The following FGF14 variants were observed in gnomAD, a reference collection of about 807,000 sequenced individuals.
FGF14 encodes the protein fibroblast growth factor 14.
Under a neutral mutation model 25.5 loss-of-function variants are expected in FGF14, and 5 were observed. The ratio of observed to expected loss-of-function variants is 0.20; its 90% CI spans 0.10 to 0.41. The LOEUF is 0.41. FGF14 is among the 10% of genes least tolerant of loss of function. The pLI is 1.00. For missense variants in FGF14, 222 were observed against 320.1 expected, an observed-to-expected ratio of 0.69 and a Z score of 2.34; for synonymous variants, 138 against 118.3, an observed-to-expected ratio of 1.17 and a Z score of -1.08.
At chr13:102,020,528 T>C (rs73563691) in intron 1 of FGF14, among the ~76,000 whole-genome samples, 4,803 of 150,796 alleles carry the variant, frequency 0.032, 241 homozygotes, top group African/African-American at 0.11. Context: ...GTCTGGGCAA[T>C]CAGAGTGAAA....
intron 1 of FGF14, among the ~76,000 whole-genome samples, chr13:101,876,708 A>G (rs1378227199): frequency 1.3e-5 from 2 of 152,212 alleles, no homozygotes; most frequent in Non-Finnish European, 2.9e-5. Context: ...AAAAATAAAT[A>G]TCTAAGTGAT....
chr13:101,731,254 G>T (rs1444196574), intron 3 of FGF14, among the ~76,000 whole-genome samples: 1 of 152,118 alleles, frequency 6.6e-6, no homozygotes, highest in Admixed American at 6.5e-5. Context: ...ATATGAAAAT[G>T]CTTATTTAAA....
chr13:102,165,648 C>G (rs2047969426), intron 1 of FGF14, among the ~76,000 whole-genome samples: 2 of 34,874 alleles, frequency 5.7e-5, no homozygotes, highest in Non-Finnish European at 5.5e-5. Context: ...GGGAACATCA[C>G]ATACTGGGGC....
chr13:101,973,442 T>C (rs9557771), intron 1 of FGF14, among the ~76,000 whole-genome samples: 52,602 of 151,782 alleles, frequency 0.35, 9,736 homozygotes, highest in East Asian at 0.71. Context: ...TTAGTCAATG[T>C]TCTCTAGAGC....
chr13:101,722,668 G>T lies in FGF14; in HGVS notation c.*163C>A. 1 of 908,758 alleles carries T rather than the reference G, an allele frequency of 1.1e-6. No individual in the cohort carries two copies. The highest frequency in any genetic ancestry group is 1.7e-6 in the Non-Finnish European group (1 of 585,672). The allele number at this position is 908,758 out of a possible 1,614,324, so 56.3% of individuals were successfully genotyped here. ...TCTTCTTGTTGTGGGGGGTGCAACA[G>T]GTTGAGATTTATCCACTTGCAACAG... On this transcript the variant is annotated 3_prime_UTR_variant, in exon 5 of 5. Transcript: ENST00000376143.
At chr13:102,290,828 A>C (rs1205651933) in intron 1 of FGF14, among the ~76,000 whole-genome samples, 4 of 152,088 alleles carry the variant, frequency 2.6e-5, no homozygotes, top group Non-Finnish European at 2.9e-5. Context: ...TTTTCACCCT[A>C]CGCAGTTGTC....
At chr13:102,067,307 ACAAAT>A (rs915228767) in intron 1 of FGF14, among the ~76,000 whole-genome samples, 27 of 152,336 alleles carry the variant, frequency 1.8e-4, no homozygotes, top group African/African-American at 6.3e-4. Flanking sequence ...ACTCAGCTTG[ACAAAT>A]CAAAACCAAA....
At chr13:102,008,965 C>A (rs2039942827) in intron 1 of FGF14, among the ~76,000 whole-genome samples, 1 of 152,026 alleles carries the variant, frequency 6.6e-6, no homozygotes, top group South Asian at 2.1e-4. Flanking sequence ...TTCCAATTTA[C>A]AGAAGACTAT....
chr13:101,975,016 G>A (rs1195959439), intron 1 of FGF14, among the ~76,000 whole-genome samples: 1 of 152,006 alleles, frequency 6.6e-6, no homozygotes, highest in Non-Finnish European at 1.5e-5. Context: ...GGTGGGAAGC[G>A]TAAAATAATC....
intron 3 of FGF14, among the ~76,000 whole-genome samples, chr13:101,830,706 T>G (rs896958310): frequency 6.6e-6 from 1 of 152,076 alleles, no homozygotes; most frequent in African/African-American, 2.4e-5. Flanking sequence ...AACATAAGCT[T>G]AGGGGCCTAA....
At chr13:102,307,144 T>A (rs933903930) in intron 1 of FGF14, among the ~76,000 whole-genome samples, 1 of 152,074 alleles carries the variant, frequency 6.6e-6, no homozygotes, top group African/African-American at 2.4e-5. Context: ...GCAGAGAGGC[T>A]TCTAGAACAT....
chr13:101,864,840 T>A (rs1381182392), intron 3 of FGF14, among the ~76,000 whole-genome samples: 2 of 152,030 alleles, frequency 1.3e-5, no homozygotes, highest in African/African-American at 2.4e-5. Flanking sequence ...CAATAAGGAA[T>A]CTCTATGCAT....
At chr13:101,881,977 G>A (rs1010234084) in intron 1 of FGF14, among the ~76,000 whole-genome samples, 1 of 152,110 alleles carries the variant, frequency 6.6e-6, no homozygotes, top group African/African-American at 2.4e-5. Context: ...AGATTATGAA[G>A]CAAAGAGGAT....
chr13:102,343,423 T>C (rs772332177), intron 1 of FGF14, among the ~76,000 whole-genome samples: 1 of 152,192 alleles, frequency 6.6e-6, no homozygotes, highest in Non-Finnish European at 1.5e-5. Flanking sequence ...TGCTCCCTTA[T>C]AGCTCAAACA....
intron 1 of FGF14, chr13:102,017,207 T>A: frequency 3.4e-6 from 1 of 295,752 alleles, no homozygotes; most frequent in Non-Finnish European, 6.5e-6. Context: ...ACTTGTTGAT[T>A]TTTGGATGTG....
At position 102,144,012 on chromosome 13, in the gene FGF14, G is replaced by A. The variant is rs765550110; in HGVS notation, c.208+257459C>T. 7.9e-5 allele frequency among the ~76,000 whole-genome samples: 12 copies of A among 152,188 alleles called. No individual in the cohort carries two copies. The South Asian group carries it at 1.2e-3, about 16-fold the overall frequency. The stretch of plus-strand genomic sequence containing the variant: ...TTAAAGCCAAAATATGACACAGCAC[G>A]CATATTATTTTACTTATTTTAGAGA... On this transcript the variant is annotated intron_variant, in intron 1 of 4. Coordinates refer to the FGF14 transcript ENST00000376131.
chr13:101,917,771 G>C (rs1206762124), upstream of FGF14, among the ~76,000 whole-genome samples: 1 of 152,150 alleles, frequency 6.6e-6, no homozygotes, highest in African/African-American at 2.4e-5. Flanking sequence ...GGAGGGAATG[G>C]AAAGAGAGAA....
intron 1 of FGF14, among the ~76,000 whole-genome samples, chr13:102,307,357 A>G (rs1784912818): frequency 6.6e-6 from 1 of 152,196 alleles, no homozygotes; most frequent in Admixed American, 6.5e-5. Context: ...CTGTTTGATC[A>G]TAAATTTGTA....
chr13:101,949,964 G>A (rs937651607), intron 1 of FGF14, among the ~76,000 whole-genome samples: 2 of 152,098 alleles, frequency 1.3e-5, no homozygotes, highest in African/African-American at 2.4e-5. Context: ...AGGAAGTAGG[G>A]TGTGGTAGGA....
Sources: allele counts gnomAD v4.1 joint callset (sites outside exome capture counted in the v4.1 genomes callset), GRCh38; gene constraint gnomAD v4.1.1; transcripts MANE v1.5; gene names NCBI Gene and HGNC (gene_info 2026-07-23, HGNC 2026-07-21).